SERTAD4: variants seen among roughly 807,000 people sequenced by gnomAD.
SERTAD4 encodes SERTA domain containing 4.
In SERTAD4, 18 loss-of-function variants were observed where a neutral mutation model predicts 32.9. That is an observed-to-expected ratio of 0.55 (90% CI 0.38 to 0.81). The LOEUF (loss-of-function observed/expected upper bound fraction) is 0.81, where lower values mean the gene tolerates loss of function less well. SERTAD4 is among the 30% of genes least tolerant of loss of function. SERTAD4 has a pLI of 0.00. For missense variants in SERTAD4, 383 were observed against 426.0 expected (o/e 0.90, Z 0.89); for synonymous variants, 150 against 156.4 (o/e 0.96, Z 0.30).
At position 210,244,021 on chromosome 1, in the gene SERTAD4, C is replaced by T. The variant is rs1256008737; in HGVS notation, c.*1684C>T. The T allele has an allele frequency of 6.6e-6, 1 of 152,040 alleles. No individual in the cohort carries two copies. Among genetic ancestry groups the T allele is most frequent in the Non-Finnish European group, 1.5e-5 (1 of 68,018 alleles). 9.4% of individuals were successfully genotyped at this position (152,040 alleles called of 1,614,324 possible). ...TAAACATTTGATGTTCAAAACTTAGCTAATAGATGCTTGTATATGAATGTG... is the reference window on the plus strand; with the variant it reads ...TAAACATTTGATGTTCAAAACTTAGTTAATAGATGCTTGTATATGAATGTG... On this transcript the variant is annotated 3_prime_UTR_variant, in exon 4 of 4. Transcript: ENST00000367012.
At chr1:210,236,544 G>A (rs1476749276) in intron 1 of SERTAD4, among the ~76,000 whole-genome samples, 3 of 152,114 alleles carry the variant, frequency 2.0e-5, no homozygotes, top group Non-Finnish European at 4.4e-5. Context: ...GCCTTACCCT[G>A]GTGTTTTTCC....
In SERTAD4 at chr1:210,243,625, C is replaced by T. The variant is rs2084021707; in HGVS notation, c.*1288C>T. On this transcript the variant is annotated 3_prime_UTR_variant, in exon 4 of 4. Transcript: ENST00000367012. ...TACTATGTATTTGGTCTACATTTTC[C>T]AAATAATATCTTTAACTTGTACATT... 6.6e-6 allele frequency: 1 copy of T among 152,052 alleles called. No individual in the cohort carries two copies. 9.4% of individuals were successfully genotyped at this position (152,052 alleles called of 1,614,324 possible).
Position 210,243,262 on chromosome 1 carries a change from G to A in SERTAD4, c.*925G>A. On this transcript the variant is annotated 3_prime_UTR_variant, in exon 4 of 4. Coordinates refer to ENST00000367012, the MANE Select transcript of SERTAD4 (RefSeq NM_019605.5). ...CAATAGGGATGGAGGAAATGAGAGA[G>A]AGAGCTGTTAGAAAGCAGCACGGGC... 1 of 476,826 alleles carries A rather than the reference G, an allele frequency of 2.1e-6. No homozygotes were observed. The highest frequency in any genetic ancestry group is 2.7e-6 in the Non-Finnish European group (1 of 366,686). 29.5% of individuals were successfully genotyped at this position (476,826 alleles called of 1,614,324 possible).
Position 210,237,996 on chromosome 1 carries a change from G to C in SERTAD4, c.36G>C (p.Glu12Asp). The C allele has an allele frequency of 1.2e-6, 2 of 1,613,686 alleles. No individual in the cohort carries two copies. The highest frequency in any genetic ancestry group is 1.7e-6 in the Non-Finnish European group (2 of 1,179,914). The change falls in exon 2 of 4, where the codon GAG (glutamate) becomes GAC (aspartate). Residue 12 changes from glutamate (E) to aspartate (D), a missense_variant. Coordinates refer to ENST00000367012, the MANE Select transcript of SERTAD4 (RefSeq NM_019605.5). ...TLVLSMNRFCEPIVSEGAAEI... is the reference protein window; with the variant it reads ...TLVLSMNRFCDPIVSEGAAEI... ...TTCTGTCCATGAATAGATTCTGCGA[G>C]CCCATTGTCTCGGAAGGAGCTGCTG... is the stretch of plus-strand genomic sequence containing the variant.
chr1:210,233,983 G>A (rs754065398), intron 1 of SERTAD4: 5 of 311,418 alleles, frequency 1.6e-5, no homozygotes, highest in Middle Eastern at 8.4e-4. Context: ...AAGGAAACTT[G>A]GTTTTTTTTT....
intron 1 of SERTAD4, chr1:210,237,268 T>G (rs2083949928): frequency 6.6e-6 from 1 of 152,244 alleles, no homozygotes; most frequent in African/African-American, 2.4e-5. Context: ...TCGCAGTGTT[T>G]TGACTGGAGG....
chr1:210,236,327 T>G (rs927080786), intron 1 of SERTAD4, among the ~76,000 whole-genome samples: 1 of 152,190 alleles, frequency 6.6e-6, no homozygotes, highest in Non-Finnish European at 1.5e-5. Context: ...CGGGGAGGTG[T>G]TGTAGCAGCC....
rs772289701 is a variant in SERTAD4, at chr1:210,245,866, A to G, written c.*3529A>G. On this transcript the variant is annotated 3_prime_UTR_variant, in exon 4 of 4. Coordinates refer to ENST00000367012, the MANE Select transcript of SERTAD4 (RefSeq NM_019605.5). The stretch of plus-strand genomic sequence containing the variant: ...GAGACATCAACTTCGCAACAAATAT[A>G]AGACAAGGATACAAGGATTCCTATG... 169 of 985,182 alleles carry G rather than the reference A, an allele frequency of 1.7e-4. No homozygotes were observed. Among genetic ancestry groups the G allele is most frequent in the Non-Finnish European group, 2.0e-4 (162 of 829,816 alleles). The allele number at this position is 985,182 out of a possible 1,614,324, so 61.0% of individuals were successfully genotyped here.
At chr1:210,237,877 C>T (rs1186790857) in intron 1 of SERTAD4, 67 bp from the exon 2 acceptor site, 17 of 1,259,794 alleles carry the variant, frequency 1.3e-5, no homozygotes, top group African/African-American at 4.6e-5. Context: ...ATGCCAAGGC[C>T]GTCCCTTGGC....
rs1163687804 is a variant in SERTAD4 at position 210,243,813 on chromosome 1, C to T, written c.*1476C>T. 2.0e-5 allele frequency: 3 copies of T among 152,124 alleles called. No homozygotes were observed. The highest frequency in any genetic ancestry group is 2.4e-5 in the African/African-American group (1 of 41,408). The allele number at this position is 152,124 out of a possible 1,614,324, so 9.4% of individuals were successfully genotyped here. Reference sequence around the variant, plus strand: ...CAAACGGAGGAAATAAGTAAGCCCTCCCAGTTTCTCCAAGATAAAGCTTTT... The same window carrying T: ...CAAACGGAGGAAATAAGTAAGCCCTTCCAGTTTCTCCAAGATAAAGCTTTT... On this transcript the variant is annotated 3_prime_UTR_variant, in exon 4 of 4. Transcript: ENST00000367012.
rs774612281 is a variant in SERTAD4 at position 210,238,121 on chromosome 1, G to T, written c.161G>T (p.Gly54Val). Residue 54 changes from glycine (G) to valine (V), a missense_variant, in exon 2 of 4, where the codon GGT becomes GTT. Gly to Val is a moderately radical substitution (Grantham distance 109). This residue lies in a region of SERTAD4 where 96 missense variants were observed against 76.6 expected (regional missense o/e 1.25). Transcript: ENST00000367012. The part of the protein sequence containing the change: ...QAPLQGDRGA[G>V]PPLAGSHYRG... The stretch of plus-strand genomic sequence containing the variant: ...CCTTTGCAGGGAGACCGGGGAGCTG[G>T]TCCCCCACTGGCAGGTATTGCCCTT... The T allele has an allele frequency of 2.2e-5, 35 of 1,606,594 alleles. No homozygotes were observed. The highest frequency in any genetic ancestry group is 3.0e-5 in the Non-Finnish European group (35 of 1,177,468).
In SERTAD4 at chr1:210,245,793, G is replaced by C; in HGVS notation, c.*3456G>C. The C allele has an allele frequency of 1.0e-6, 1 of 985,280 alleles. No individual in the cohort carries two copies. Among genetic ancestry groups the C allele is most frequent in the Non-Finnish European group, 1.2e-6 (1 of 829,852 alleles). 61.0% of individuals were successfully genotyped at this position (985,280 alleles called of 1,614,324 possible). On this transcript the variant is annotated 3_prime_UTR_variant, in exon 4 of 4. Transcript: ENST00000367012. ...CTCCACTTGGTGACTTCCTTTCTGTGTATCAGGAGCAGAGCAGAGGACAAC... is the reference window on the plus strand; with the variant it reads ...CTCCACTTGGTGACTTCCTTTCTGTCTATCAGGAGCAGAGCAGAGGACAAC...
chr1:210,239,446 C>T, intron 2 of SERTAD4, 47 bp from the exon 3 acceptor site: 1 of 1,137,814 alleles, frequency 8.8e-7, no homozygotes, highest in East Asian at 2.4e-5. Context: ...TTTGGAGAAC[C>T]TCTGGCAAAC....
In SERTAD4 at chr1:210,243,114, A is replaced by AAAAAACCC; in HGVS notation, c.*778_*779insAAAACCCA. 1.4e-6 allele frequency: 1 copy of AAAAAACCC among 695,892 alleles called. No individual in the cohort carries two copies. Among genetic ancestry groups the AAAAAACCC allele is most frequent in the Non-Finnish European group, 1.8e-6 (1 of 567,456 alleles). The allele number at this position is 695,892 out of a possible 1,614,324, so 43.1% of individuals were successfully genotyped here. A position where few individuals can be genotyped will look rare whatever the true frequency, so the allele number is the denominator to read the frequency against. ...AGGACAAAAAAAAAAAAAAAAAAAA[A>AAAAAACCC]ACCACAGGGTGGATCAATATGGTTT... On this transcript the variant is annotated 3_prime_UTR_variant, in exon 4 of 4. Transcript: ENST00000367012.
chr1:210,239,747 T>C, intron 3 of SERTAD4, 139 bp downstream of exon 3: 2 of 545,476 alleles, frequency 3.7e-6, no homozygotes, highest in South Asian at 6.1e-5. Context: ...TCATTAATCG[T>C]TGTCGCTTTT....
At chr1:210,240,699 G>C (rs940750639) in intron 3 of SERTAD4, among the ~76,000 whole-genome samples, 3 of 152,158 alleles carry the variant, frequency 2.0e-5, no homozygotes, top group Non-Finnish European at 2.9e-5. Context: ...CACAGCTCAG[G>C]AGTGAGCCCT....
chr1:210,239,698 C>A, intron 3 of SERTAD4, 90 bp downstream of exon 3: 2 of 733,966 alleles, frequency 2.7e-6, no homozygotes, highest in Non-Finnish European at 4.4e-6. Context: ...TAAATTGTTT[C>A]ACCCAAGCAA....
chr1:210,241,548 T>TTGTTTGTA lies in SERTAD4; in HGVS notation c.292-10_292-9insTGTTTGTA. On this transcript the variant is annotated splice_polypyrimidine_tract_variant and intron_variant, in intron 3 of 3. Coordinates refer to ENST00000367012, the MANE Select transcript of SERTAD4 (RefSeq NM_019605.5). ...TTTGTTTTTTTCTTTTTTTTTTTTTTGGTTTGTAGACCATCTCAATTTTTG... is the reference window on the plus strand; with the variant it reads ...TTTGTTTTTTTCTTTTTTTTTTTTTTTGTTTGTAGGTTTGTAGACCATCTCAATTTTTG... The TTGTTTGTA allele has an allele frequency of 6.8e-7, 1 of 1,468,686 alleles. No homozygotes were observed. The highest frequency in any genetic ancestry group is 1.6e-5 in the South Asian group (1 of 63,198). 91.0% of individuals were successfully genotyped at this position (1,468,686 alleles called of 1,614,324 possible).
At chr1:210,234,649 A>G (rs2083923948) in intron 1 of SERTAD4, among the ~76,000 whole-genome samples, 1 of 152,114 alleles carries the variant, frequency 6.6e-6, no homozygotes, top group African/African-American at 2.4e-5. Context: ...ATAGCCCTTT[A>G]CTTCCCTGCT....
Sources: gnomAD v4.1 joint callset for allele counts (sites outside exome capture counted in the v4.1 genomes callset) on GRCh38, gnomAD v4.1.1 for gene constraint, gnomAD v4.1.1 regional missense constraint, MANE v1.5 for transcripts, NCBI Gene and HGNC (gene_info 2026-07-23, HGNC 2026-07-21) for gene names.